Variants in ADRM1 observed in about 807,000 individuals in gnomAD.
ADRM1 encodes the protein ADRM1 26S proteasome ubiquitin receptor.
Under a neutral mutation model 40.1 loss-of-function variants are expected in ADRM1, and 2 were observed. The ratio of observed to expected loss-of-function variants is 0.05; its 90% confidence interval spans 0.02 to 0.16. ADRM1 has a LOEUF of 0.16. ADRM1 is among the 10% of genes least tolerant of loss of function. The pLI is 1.00. For synonymous variants in ADRM1, 287 were observed against 240.4 expected (o/e 1.19, Z -1.79); for missense variants, 467 against 552.5 (o/e 0.85, Z 1.55).
chr20:62,308,187 C>T lies in ADRM1; in HGVS notation c.1014+9C>T, dbSNP rs374573692. ...CGCCCCAGTTCCAGCAGGTAGAGGC[C>T]GGGCCCAGGGTGTCCTCCACTGTGT... On this transcript the variant is annotated intron_variant, in intron 8 of 9. Coordinates refer to ENST00000253003, the MANE Select transcript of ADRM1 (RefSeq NM_007002.4). 21 of 1,597,560 alleles carry T rather than the reference C, an allele frequency of 1.3e-5. No homozygotes were observed. Among genetic ancestry groups the T allele is most frequent in the Middle Eastern group, 1.7e-4 (1 of 5,940 alleles).
chr20:62,303,827 C>A, intron 2 of ADRM1, 46 bp downstream of exon 2: 1 of 1,577,418 alleles, frequency 6.3e-7, no homozygotes, highest in Non-Finnish European at 8.6e-7. Flanking sequence ...ACTTCTCGGG[C>A]CCTCGGAGTC....
At chr20:62,305,542 TACC>T (rs1984789968) in intron 3 of ADRM1, 1 of 152,240 alleles carries the variant, frequency 6.6e-6, no homozygotes, top group African/African-American at 2.4e-5. Context: ...GTCCAACTGT[TACC>T]ACCATCTCCC....
In ADRM1 at chr20:62,307,422, G is replaced by T; in HGVS notation, c.593G>T (p.Ser198Ile). 1.2e-6 allele frequency: 2 copies of T among 1,608,544 alleles called. No individual in the cohort carries two copies. The highest frequency in any genetic ancestry group is 8.5e-7 in the Non-Finnish European group (1 of 1,178,990). ...GPGLASLLGS[S>I]GPPGSSSSSS... ...GGCCTGGCCAGCTTACTGGGGAGCA[G>T]TGGGCCTCCAGGGAGCAGCTCCTCC... Residue 198 changes from serine to isoleucine, a missense_variant, in exon 6 of 10, where the codon AGT becomes ATT. By Grantham distance (142) the Ser-to-Ile change is moderately radical. Around this residue, in one of 3 missense-constraint regions of ADRM1, gnomAD observed 418 missense variants for 474.6 expected, o/e 0.88. Coordinates refer to ENST00000253003, the MANE Select transcript of ADRM1 (RefSeq NM_007002.4).
At position 62,306,649 on chromosome 20, in the gene ADRM1, T is replaced by G. The variant is rs1190233832; in HGVS notation, c.456T>G (p.Gly152=). The change falls in exon 5 of 10, where the codon GGT becomes GGG. Residue 152 remains glycine (G), a splice_region_variant and synonymous_variant. Transcript: ENST00000253003. ...CGCCTGAGCTGCAGTGTTTTCCAGG[T>G]GAGGGTGGCCTGCAGAGCCTGCTGG... ...SSGHELSALG[G]EGGLQSLLGN... 6.2e-7 allele frequency: 1 copy of G among 1,606,608 alleles called. No individual in the cohort carries two copies. Among genetic ancestry groups the G allele is most frequent in the Admixed American group, 1.7e-5 (1 of 59,346 alleles).
At chr20:62,306,171 G>A in intron 3 of ADRM1, 26 bp from the exon 4 acceptor site, 3 of 1,599,678 alleles carry the variant, frequency 1.9e-6, no homozygotes, top group Non-Finnish European at 2.6e-6. Context: ...GCCAGCTCCT[G>A]CCCTTACATG....
At chr20:62,305,824 C>A (rs775067369) in intron 3 of ADRM1, 3 of 245,790 alleles carry the variant, frequency 1.2e-5, no homozygotes, top group Non-Finnish European at 2.5e-5. Flanking sequence ...TCGCTGCCTT[C>A]CACTGGTTGA....
Position 62,306,335 on chromosome 20 carries a change from T to G in ADRM1, c.454+15T>G, listed in dbSNP as rs1984954952. The G allele has an allele frequency of 6.2e-7, 1 of 1,612,504 alleles. No individual in the cohort carries two copies. Among genetic ancestry groups the G allele is most frequent in the Admixed American group, 1.7e-5 (1 of 60,010 alleles). ...TGCGCTAGGCGGTAACTGTCACATG[T>G]GTCACGTGAGCTCAGGGTTTCCTGG... is the stretch of plus-strand genomic sequence containing the variant. On this transcript the variant is annotated intron_variant, in intron 4 of 9. Transcript: ENST00000253003.
chr20:62,304,694 C>T lies in ADRM1; in HGVS notation c.330+117C>T, dbSNP rs1463287876. 7 of 1,009,856 alleles carry T rather than the reference C, an allele frequency of 6.9e-6. No individual in the cohort carries two copies. The East Asian group carries it at 1.7e-4, about 25-fold the overall frequency. The allele number at this position is 1,009,856 out of a possible 1,614,324, so 62.6% of individuals were successfully genotyped here. A position where few individuals can be genotyped will look rare whatever the true frequency, so the allele number is the denominator to read the frequency against. On this transcript the variant is annotated intron_variant, in intron 3 of 9. Transcript: ENST00000253003. ...CCAGCAGGCGCCGGCCACACCCGGC[C>T]ACACGGCCTGAGATGCCACCTCAGG...
rs193206445 is a variant in ADRM1, at chr20:62,306,431, T to G, written c.454+111T>G. 9 of 1,569,838 alleles carry G rather than the reference T, an allele frequency of 5.7e-6. No homozygotes were observed. In the Admixed American group the frequency reaches 1.2e-4, roughly 21 times the overall value. ...GTTTGGAAGTGGAAATAGAAGATTC[T>G]AAAAGTTAGAGACCCTGTGAGCTCC... is the stretch of plus-strand genomic sequence containing the variant. On this transcript the variant is annotated intron_variant, in intron 4 of 9. Transcript: ENST00000253003.
At chr20:62,306,582 G>C in intron 4 of ADRM1, 66 bp from the exon 5 acceptor site, 1 of 1,484,180 alleles carries the variant, frequency 6.7e-7, no homozygotes, top group South Asian at 1.2e-5. Context: ...CAGAGGCGCA[G>C]GCAGTGCGGT....
chr20:62,308,263 T>C (rs1985448353), intron 8 of ADRM1, 85 bp downstream of exon 8: 1 of 1,538,426 alleles, frequency 6.5e-7, no homozygotes, highest in African/African-American at 1.4e-5. Flanking sequence ...ACCTTCACCA[T>C]GGCCAGTGCT....
At position 62,307,826 on chromosome 20, in the gene ADRM1, A is replaced by C. The variant is rs556646029; in HGVS notation, c.854A>C (p.Gln285Pro). The C allele has an allele frequency of 6.2e-7, 1 of 1,604,042 alleles. No individual in the cohort carries two copies. The highest frequency in any genetic ancestry group is 1.1e-5 in the South Asian group (1 of 90,078). ...NVPAGPAGGQ[Q>P]VDLASVLTPE... is the part of the protein sequence containing the mutation. ...CCAGCCGGGCCAGCAGGCGGCCAGC[A>C]AGGTAACGTGTGCTGTCGCCTGGAG... The change falls in exon 7 of 10, where the codon CAA (glutamine) becomes CCA (proline). Residue 285 changes from glutamine to proline, a missense_variant and splice_region_variant. This residue lies in a region of ADRM1 where 418 missense variants were observed against 474.6 expected (regional missense o/e 0.88). Coordinates refer to ENST00000253003, the MANE Select transcript of ADRM1 (RefSeq NM_007002.4).
In ADRM1 at chr20:62,307,458, C is replaced by T. The variant is rs1186657953; in HGVS notation, c.623+6C>T. 8.1e-6 allele frequency: 13 copies of T among 1,607,854 alleles called. No homozygotes were observed. The South Asian group carries it at 8.8e-5, about 11-fold the overall frequency. On this transcript the variant is annotated splice_donor_region_variant and intron_variant, in intron 6 of 9. Coordinates refer to ENST00000253003, the MANE Select transcript of ADRM1 (RefSeq NM_007002.4). Reference sequence around the variant, plus strand: ...GGGAGCAGCTCCTCCTCCAGGTGAGCCTCATCGCTCCTGCCACGCAGGTGC... The same window carrying T: ...GGGAGCAGCTCCTCCTCCAGGTGAGTCTCATCGCTCCTGCCACGCAGGTGC...
chr20:62,307,934 G>A, intron 7 of ADRM1, 87 bp from the exon 8 acceptor site: 1 of 1,551,246 alleles, frequency 6.4e-7, no homozygotes, highest in Non-Finnish European at 8.7e-7. Flanking sequence ...TGGGGTGCTG[G>A]GGCCATGGGC....
chr20:62,303,941 A>G (rs766066861), intron 2 of ADRM1, among the ~76,000 whole-genome samples, 160 bp downstream of exon 2: 89 of 152,084 alleles, frequency 5.9e-4, no homozygotes, highest in Non-Finnish European at 1.1e-3. Flanking sequence ...CCGCGGTGAC[A>G]GGGGCATCTC....
intron 3 of ADRM1, chr20:62,305,832 T>G (rs2146001417): frequency 4.0e-6 from 1 of 247,514 alleles, no homozygotes; most frequent in Non-Finnish European, 8.1e-6. Context: ...TTCCACTGGT[T>G]GAAGGAAGGA....
Position 62,308,160 on chromosome 20 carries a change from CTCG to C in ADRM1, c.997_999del (p.Ser333del). 6.2e-7 allele frequency: 1 copy of C among 1,605,206 alleles called. No homozygotes were observed. The highest frequency in any genetic ancestry group is 8.5e-7 in the Non-Finnish European group (1 of 1,178,992). On this transcript the variant is annotated inframe_deletion, in exon 8 of 10. Coordinates refer to ENST00000253003, the MANE Select transcript of ADRM1 (RefSeq NM_007002.4). ...CGGATGAGATCCAGAATACCCTGAC[CTCG>C]CCCCAGTTCCAGCAGGTAGAGGCCG...
Position 62,308,677 on chromosome 20 carries a change from C to T in ADRM1, c.1140C>T (p.Ala380=). The T allele has an allele frequency of 1.2e-6, 2 of 1,612,982 alleles. No individual in the cohort carries two copies. The highest frequency in any genetic ancestry group is 1.7e-5 in the Admixed American group (1 of 60,000). ...TAGATGTGGAAGCGTTTGCCAAAGC[C>T]ATGCAGAACAACGCCAAGCCCGAGC... ...NKGDVEAFAK[A]MQNNAKPEQK... is the part of the protein sequence containing the mutation. Residue 380 remains alanine (A), a synonymous_variant, in exon 10 of 10, where the codon GCC becomes GCT. Coordinates refer to ENST00000253003, the MANE Select transcript of ADRM1 (RefSeq NM_007002.4).
At chr20:62,303,880 A>C (rs1984492671) in intron 2 of ADRM1, 99 bp downstream of exon 2, 1 of 1,247,952 alleles carries the variant, frequency 8.0e-7, no homozygotes, top group Admixed American at 2.1e-5. Context: ...GCATCTGGGG[A>C]CCGCTCGTGG....
Sources: allele counts gnomAD v4.1 joint callset (sites outside exome capture counted in the v4.1 genomes callset), GRCh38; gene constraint gnomAD v4.1.1; regional missense constraint gnomAD v4.1.1; transcripts MANE v1.5; gene names NCBI Gene and HGNC (gene_info 2026-07-23, HGNC 2026-07-21).